The following MBNL2 variants were observed in gnomAD, a reference collection of about 807,000 sequenced individuals.
The protein encoded by MBNL2 is muscleblind like splicing regulator 2, also known as muscleblind-like protein 2.
In MBNL2, 17 loss-of-function variants were observed where a neutral mutation model predicts 41.9. That is an observed-to-expected ratio of 0.41 (90% CI 0.28 to 0.61). The LOEUF is 0.61. Among genes scored for constraint, MBNL2 ranks in the 20% least tolerant of loss-of-function variants. The pLI is 0.35. For synonymous variants in MBNL2, 195 were observed against 182.9 expected (o/e 1.07, Z -0.53); for missense variants, 336 against 505.6 (o/e 0.66, Z 3.22).
At chr13:97,156,834 C>T in the MBNL2 span, among the ~76,000 whole-genome samples, 1 of 152,164 alleles carries the variant, frequency 6.6e-6, no homozygotes, top group African/African-American at 2.4e-5. Flanking sequence ...TATTGTGATG[C>T]CTCCAGCTTT....
At chr13:97,238,074 G>T (rs555128803) in intron 1 of MBNL2, among the ~76,000 whole-genome samples, 3 of 152,296 alleles carry the variant, frequency 2.0e-5, no homozygotes, top group South Asian at 2.1e-4. Flanking sequence ...ACAGGAGGAT[G>T]GGGGAAGACA....
intron 8 of MBNL2, among the ~76,000 whole-genome samples, chr13:97,373,165 C>G (rs2064555719): frequency 1.3e-5 from 2 of 152,134 alleles, no homozygotes; most frequent in South Asian, 4.1e-4. Context: ...CAGCTGGGCC[C>G]CACGTATGTT....
Position 97,268,121 on chromosome 13 carries a change from C to T in MBNL2, c.-604-7511C>T, listed in dbSNP as rs1594121400. Among the ~76,000 whole-genome samples the T allele has an allele frequency of 2.0e-5, 3 of 151,532 alleles. 1 individual carries two copies. The highest frequency in any genetic ancestry group is 4.2e-4 in the South Asian group (2 of 4,804). ...CCTTCCTTTCTTTCTTTTGAGACAG[C>T]GTCGCTCTTGTCATCCAGGCTAGAG... On this transcript the variant is annotated intron_variant, in intron 1 of 8. Coordinates refer to ENST00000679496, the MANE Select transcript of MBNL2 (RefSeq NM_001382683.1). This position sits in a 1 kb window ranked among gnomAD's most constrained non-coding sequence, Gnocchi z 4.6.
the MBNL2 span, among the ~76,000 whole-genome samples, chr13:97,203,054 T>A: frequency 6.6e-6 from 1 of 152,140 alleles, no homozygotes; most frequent in Non-Finnish European, 1.5e-5. Context: ...GTGACATGAT[T>A]AGAGTAATGG....
chr13:97,154,792 AGGATGGATGGATGGATGGATGGAT>A, the MBNL2 span, among the ~76,000 whole-genome samples: 6 of 146,168 alleles, frequency 4.1e-5, no homozygotes, highest in African/African-American at 1.0e-4. Context: ...AAATGGTATA[AGGATGGATGGATGGATGGATGGAT>A]GGATGGATGG....
At chr13:97,211,516 TC>T in the MBNL2 span, among the ~76,000 whole-genome samples, 9 of 152,362 alleles carry the variant, frequency 5.9e-5, no homozygotes, top group South Asian at 1.0e-3. Context: ...GGTTATTTCT[TC>T]CTTTTTCATT....
chr13:97,229,366 C>T (rs768038733), intron 1 of MBNL2, among the ~76,000 whole-genome samples: 2 of 151,716 alleles, frequency 1.3e-5, no homozygotes, highest in African/African-American at 4.8e-5. Context: ...GTCCACACCC[C>T]GGGCCAAGGG....
the MBNL2 span, among the ~76,000 whole-genome samples, chr13:97,208,181 C>T: frequency 6.6e-6 from 1 of 152,184 alleles, no homozygotes. Context: ...TTAATATGCT[C>T]ATGTGCAATG....
In MBNL2 at chr13:97,365,569, G is replaced by A. The variant is rs573058241; in HGVS notation, c.1048+398G>A. Among the ~76,000 whole-genome samples, 5 of 152,314 alleles carry A rather than the reference G, an allele frequency of 3.3e-5. No individual in the cohort carries two copies. The South Asian group carries it at 8.3e-4, about 25-fold the overall frequency. On this transcript the variant is annotated intron_variant, in intron 8 of 8. Coordinates refer to ENST00000679496, the MANE Select transcript of MBNL2 (RefSeq NM_001382683.1). ...TCTCCTCTTTGCTGTGTGTTAGAGC[G>A]ATCAGAGTTTCCCAGAAGTATTCAT...
At chr13:97,285,255 G>A (rs1455130257) in intron 2 of MBNL2, among the ~76,000 whole-genome samples, 1 of 152,104 alleles carries the variant, frequency 6.6e-6, no homozygotes, top group Admixed American at 6.5e-5. Context: ...CACCTCTCTG[G>A]GATCCCAGTG....
At chr13:97,348,102 A>T (rs1465520529) in intron 5 of MBNL2, among the ~76,000 whole-genome samples, 1 of 133,786 alleles carries the variant, frequency 7.5e-6, no homozygotes, top group Non-Finnish European at 1.6e-5. Flanking sequence ...TTTTTAAGAC[A>T]AGGTCTCTGT....
At chr13:97,345,850 T>G (rs1490103964) in intron 4 of MBNL2, among the ~76,000 whole-genome samples, 1 of 149,386 alleles carries the variant, frequency 6.7e-6, no homozygotes, top group Non-Finnish European at 1.5e-5. Context: ...TAGCTTGATA[T>G]AGGTGAAATT....
intron 1 of MBNL2, among the ~76,000 whole-genome samples, chr13:97,251,493 G>C (rs2046487584): frequency 6.6e-6 from 1 of 152,146 alleles, no homozygotes; most frequent in Non-Finnish European, 1.5e-5. Context: ...GGTAAAGTCA[G>C]ATAGCTACTT....
At chr13:97,386,121 G>A (rs759593126) in intron 8 of MBNL2, among the ~76,000 whole-genome samples, 1 of 152,172 alleles carries the variant, frequency 6.6e-6, no homozygotes, top group East Asian at 1.9e-4. Flanking sequence ...TTCTTTGGGC[G>A]AAAGCCAAAT....
chr13:97,232,751 C>A (rs746877156), intron 1 of MBNL2, among the ~76,000 whole-genome samples: 1 of 151,982 alleles, frequency 6.6e-6, no homozygotes. Flanking sequence ...CCAGAAGTCC[C>A]TCCTCACAAA....
At chr13:97,380,824 G>A (rs74105123) in intron 8 of MBNL2, among the ~76,000 whole-genome samples, 155 of 152,134 alleles carry the variant, frequency 1.0e-3, no homozygotes, top group African/African-American at 3.4e-3. Context: ...TTTTGCCGAC[G>A]ATTGGCTATT....
chr13:97,305,987 T>C (rs1594186308), intron 2 of MBNL2, among the ~76,000 whole-genome samples: 3 of 152,292 alleles, frequency 2.0e-5, no homozygotes, highest in East Asian at 3.9e-4. Context: ...GGTGGGCCTT[T>C]CTCTGCCCTG....
the MBNL2 span, among the ~76,000 whole-genome samples, chr13:97,148,725 A>G: frequency 1.3e-5 from 2 of 152,214 alleles, no homozygotes; most frequent in Admixed American, 1.3e-4. Context: ...GGAAATATCA[A>G]TATATTTATG....
chr13:97,260,450 G>T (rs1246051316), intron 1 of MBNL2, among the ~76,000 whole-genome samples: 3 of 152,204 alleles, frequency 2.0e-5, no homozygotes, highest in African/African-American at 7.2e-5. Context: ...GATTTATTGA[G>T]ATGTGGCTGC....
Sources: allele counts gnomAD v4.1 joint callset (sites outside exome capture counted in the v4.1 genomes callset), GRCh38; gene constraint gnomAD v4.1.1; non-coding constraint Gnocchi (gnomAD v3.1); transcripts MANE v1.5; gene names NCBI Gene and HGNC (gene_info 2026-07-23, HGNC 2026-07-21).